CSMD1: variants seen among roughly 807,000 people sequenced by gnomAD.
CSMD1 encodes the protein CUB and sushi domain-containing protein 1.
A neutral mutation model predicts 417.5 loss-of-function variants in CSMD1; 213 were observed. The ratio of observed to expected loss-of-function variants is 0.51; its 90% CI spans 0.46 to 0.57. The LOEUF (loss-of-function observed/expected upper bound fraction) is 0.57. CSMD1 is among the 20% of genes least tolerant of loss of function. CSMD1 has a pLI of 0.00. For missense variants in CSMD1, 6,923 were observed against 4,529.7 expected (o/e 1.53, Z -15.17); for synonymous variants, 2,862 against 1,736.8 (o/e 1.65, Z -16.11).
chr8:3,549,384 T>C (rs1001833350), intron 10 of CSMD1, among the ~76,000 whole-genome samples: 1 of 152,212 alleles, frequency 6.6e-6, no homozygotes, highest in Non-Finnish European at 1.5e-5. Context: ...CTAGGCCTTA[T>C]TCTACTCTGG....
chr8:4,598,087 A>C (rs1490389828), intron 2 of CSMD1, among the ~76,000 whole-genome samples: 1 of 152,180 alleles, frequency 6.6e-6, no homozygotes, highest in Non-Finnish European at 1.5e-5. Context: ...AGAAAATAAA[A>C]AGCTAGAATA....
At chr8:4,649,238 G>A (rs200266525) in intron 1 of CSMD1, among the ~76,000 whole-genome samples, 2 of 152,232 alleles carry the variant, frequency 1.3e-5, no homozygotes, top group South Asian at 2.1e-4. Context: ...CCAGTGCACA[G>A]TAAACATTTG....
At chr8:3,617,245 T>C (rs1039736060) in intron 7 of CSMD1, among the ~76,000 whole-genome samples, 10 of 152,194 alleles carry the variant, frequency 6.6e-5, no homozygotes, top group African/African-American at 2.4e-4. Flanking sequence ...ATTATGTATA[T>C]TTTAAACATT....
At chr8:3,568,381 T>C (rs1318845443) in intron 10 of CSMD1, among the ~76,000 whole-genome samples, 1 of 152,106 alleles carries the variant, frequency 6.6e-6, no homozygotes, top group African/African-American at 2.4e-5. Context: ...GTCTGTACAG[T>C]TTTTGTCAAT....
chr8:3,666,303 T>A (rs895004909), intron 7 of CSMD1, among the ~76,000 whole-genome samples: 2 of 152,198 alleles, frequency 1.3e-5, no homozygotes, highest in African/African-American at 4.8e-5. Flanking sequence ...TGAGAACCGA[T>A]GTGAAGAATA....
In CSMD1 at chr8:4,509,388, C is replaced by G. The variant is rs542839933; in HGVS notation, c.303-89323G>C. Among the ~76,000 whole-genome samples the G allele has an allele frequency of 2.0e-5, 3 of 152,212 alleles. No individual in the cohort carries two copies. In the South Asian group the frequency reaches 6.2e-4, roughly 32 times the overall value. Reference sequence around the variant, plus strand: ...GTATTTGGTCTGGAACCATTTTTAGCTGCTTCAAAGGGGAATCAGATGTAT... The same window carrying G: ...GTATTTGGTCTGGAACCATTTTTAGGTGCTTCAAAGGGGAATCAGATGTAT... On this transcript the variant is annotated intron_variant, in intron 2 of 69. Transcript: ENST00000635120.
intron 3 of CSMD1, among the ~76,000 whole-genome samples, chr8:4,381,042 A>T (rs1803070374): frequency 6.6e-6 from 1 of 152,166 alleles, no homozygotes; most frequent in African/African-American, 2.4e-5. Flanking sequence ...TGGGTTAAGG[A>T]ATATGTGAGT....
intron 3 of CSMD1, among the ~76,000 whole-genome samples, chr8:4,215,436 A>T (rs1585037867): frequency 6.6e-6 from 1 of 151,956 alleles, no homozygotes; most frequent in African/African-American, 2.4e-5. Flanking sequence ...AACACAAAAG[A>T]CTCAATGCTT....
chr8:4,142,115 G>A (rs1371965694), intron 3 of CSMD1, among the ~76,000 whole-genome samples: 1 of 151,008 alleles, frequency 6.6e-6, no homozygotes, highest in Non-Finnish European at 1.5e-5. Flanking sequence ...AGCAACATTT[G>A]TTAGCAGATA....
chr8:3,614,042 A>G (rs1247610349), intron 8 of CSMD1, among the ~76,000 whole-genome samples: 4 of 151,986 alleles, frequency 2.6e-5, no homozygotes, highest in Admixed American at 1.3e-4. Context: ...AAAAGCTACT[A>G]TATAACTAGC....
chr8:3,529,473 G>A (rs1797888398), intron 10 of CSMD1, among the ~76,000 whole-genome samples: 2 of 152,168 alleles, frequency 1.3e-5, no homozygotes, highest in African/African-American at 2.4e-5. Context: ...TGGGTTAAAG[G>A]AAGAAATTGG....
intron 1 of CSMD1, among the ~76,000 whole-genome samples, chr8:4,990,912 C>A (rs890849648): frequency 3.9e-5 from 6 of 152,164 alleles, no homozygotes; most frequent in Non-Finnish European, 8.8e-5. Flanking sequence ...GGAAACTCAG[C>A]AGTGCGTGCT....
chr8:3,717,192 T>C (rs899809523), intron 6 of CSMD1, among the ~76,000 whole-genome samples: 2 of 152,224 alleles, frequency 1.3e-5, no homozygotes, highest in African/African-American at 2.4e-5. Context: ...TTTTCATTGA[T>C]AATTATTACA....
intron 10 of CSMD1, among the ~76,000 whole-genome samples, chr8:3,528,777 G>T (rs919233213): frequency 6.6e-6 from 1 of 152,142 alleles, no homozygotes; most frequent in Non-Finnish European, 1.5e-5. Context: ...CAAAACTGAA[G>T]GTTGACAGAC....
chr8:4,752,693 T>C (rs1811410292), intron 1 of CSMD1, among the ~76,000 whole-genome samples: 1 of 152,216 alleles, frequency 6.6e-6, no homozygotes, highest in African/African-American at 2.4e-5. Flanking sequence ...GGGATTGCTC[T>C]ACACAGGGGT....
intron 5 of CSMD1, among the ~76,000 whole-genome samples, chr8:3,826,986 T>G (rs1368715474): frequency 6.6e-6 from 1 of 152,112 alleles, no homozygotes; most frequent in Non-Finnish European, 1.5e-5. Context: ...GTTGCTATGT[T>G]GCCCAAGCTG....
chr8:4,350,600 A>C (rs989100932), intron 3 of CSMD1, among the ~76,000 whole-genome samples: 1 of 152,200 alleles, frequency 6.6e-6, no homozygotes, highest in African/African-American at 2.4e-5. Flanking sequence ...AATGAGAAAA[A>C]GCAGAACAAA....
At chr8:4,129,378 C>T (rs1802959194) in intron 3 of CSMD1, among the ~76,000 whole-genome samples, 1 of 152,118 alleles carries the variant, frequency 6.6e-6, no homozygotes, top group African/African-American at 2.4e-5. Flanking sequence ...CCTTGACCAC[C>T]TCCACCCCCA....
intron 2 of CSMD1, among the ~76,000 whole-genome samples, chr8:4,590,784 G>C (rs552228579): frequency 6.6e-6 from 1 of 152,010 alleles, no homozygotes; most frequent in Admixed American, 6.6e-5. Flanking sequence ...CTAAGATTTT[G>C]GAAATTTTTT....
Sources: gnomAD v4.1 joint callset for allele counts (sites outside exome capture counted in the v4.1 genomes callset) on GRCh38, gnomAD v4.1.1 for gene constraint, MANE v1.5 for transcripts, NCBI Gene and HGNC (gene_info 2026-07-23, HGNC 2026-07-21) for gene names.